TUBA3C: variants seen among roughly 807,000 people sequenced by gnomAD.
TUBA3C encodes tubulin alpha 3c, also known as tubulin alpha-3C chain.
In TUBA3C, 23 loss-of-function variants were observed where a neutral mutation model predicts 33.4. The ratio of observed to expected loss-of-function variants is 0.69; its 90% CI spans 0.50 to 0.98. The LOEUF is 0.98. Ranked by LOEUF, TUBA3C falls within the 50% of genes least tolerant of loss-of-function variation. The pLI, the probability that TUBA3C is intolerant of heterozygous loss-of-function variation, is 0.00. For missense variants in TUBA3C, 402 were observed against 616.0 expected (o/e 0.65, Z 3.68); for synonymous variants, 269 against 250.4 (o/e 1.07, Z -0.70).
intron 2 of TUBA3C, 131 bp from the exon 3 acceptor site, chr13:19,178,525 A>G: frequency 8.1e-7 from 1 of 1,236,076 alleles, no homozygotes; most frequent in Non-Finnish European, 1.1e-6. Flanking sequence ...GTAGGTCAAC[A>G]GTGGCAGTGT....
chr13:19,179,856 C>A (rs925507465), intron 1 of TUBA3C, among the ~76,000 whole-genome samples: 89 of 152,246 alleles, frequency 5.8e-4, no homozygotes, highest in African/African-American at 2.0e-3. Flanking sequence ...AGTAATCAAA[C>A]CCACATTATA....
At position 19,179,397 on chromosome 13, in the gene TUBA3C, C is replaced by G. The variant is rs1226855350; in HGVS notation, c.170G>C (p.Gly57Ala). 1 of 1,613,976 alleles carries G rather than the reference C, an allele frequency of 6.2e-7. No individual in the cohort carries two copies. The highest frequency in any genetic ancestry group is 2.2e-5 in the East Asian group (1 of 44,862). The change falls in exon 2 of 5, where the codon GGA becomes GCA. Residue 57 changes from glycine (G) to alanine (A), a missense_variant. Transcript: ENST00000400113. Reference protein sequence around the residue: ...DSFNTFFSETGAGKHVPRAVF... With the variant: ...DSFNTFFSETAAGKHVPRAVF... ...TGCTCTGGGCACGTGCTTGCCAGCT[C>G]CAGTCTCACTGAAGAACGTGTTGAA... is the stretch of plus-strand genomic sequence containing the variant.
intron 1 of TUBA3C, 45 bp downstream of exon 1, chr13:19,181,700 C>G (rs1354189871): frequency 6.2e-7 from 1 of 1,601,018 alleles, no homozygotes; most frequent in Non-Finnish European, 8.5e-7. Context: ...ACTTCGTCCA[C>G]CCTCCAGCCT....
Position 19,181,734 on chromosome 13 carries a change from C to G in TUBA3C, c.3+11G>C, listed in dbSNP as rs375826128. 8 of 1,602,212 alleles carry G rather than the reference C, an allele frequency of 5.0e-6. No individual in the cohort carries two copies. The East Asian group carries it at 6.7e-5, about 13-fold the overall frequency. The stretch of plus-strand genomic sequence containing the variant: ...CTGGGCGTCTGCGGGGTGGGAGTGA[C>G]CTGGCCTTACCATGTTGAGCTCCTC... On this transcript the variant is annotated intron_variant, in intron 1 of 4. Transcript: ENST00000400113.
chr13:19,178,211 C>G, intron 3 of TUBA3C, 35 bp downstream of exon 3: 1 of 1,612,260 alleles, frequency 6.2e-7, no homozygotes, highest in Non-Finnish European at 8.5e-7. Context: ...CCCTCCTGTG[C>G]AGGACAATGG....
intron 4 of TUBA3C, among the ~76,000 whole-genome samples, chr13:19,174,422 G>C (rs1175159244): frequency 1.4e-5 from 2 of 141,412 alleles, no homozygotes; most frequent in Non-Finnish European, 3.1e-5. Flanking sequence ...TCATGAGGCA[G>C]CATGCCCAGC....
intron 2 of TUBA3C, 48 bp downstream of exon 2, chr13:19,179,293 C>A (rs1233605938): frequency 1.2e-6 from 2 of 1,608,002 alleles, no homozygotes; most frequent in Non-Finnish European, 1.7e-6. Flanking sequence ...ACCGACGATG[C>A]TCTCCCACCC....
At position 19,176,946 on chromosome 13, in the gene TUBA3C, C is replaced by T; in HGVS notation, c.1037G>A (p.Trp346Ter). The change falls in exon 4 of 5, where the codon TGG (tryptophan) becomes TAG (stop). Residue 346 changes from tryptophan (W) to a stop codon, truncating the protein, a stop_gained. Coordinates refer to ENST00000400113, the MANE Select transcript of TUBA3C (RefSeq NM_006001.3). LOFTEE classifies it high-confidence loss of function. ...TCATACCTTAAATCCAGTTGGGCAC[C>T]AATCTACAAACTGGATGGTGCGCTT... ...KTKRTIQFVDWCPTGFKVGIN... is the reference protein window; with the variant it reads ...KTKRTIQFVD 1.9e-6 allele frequency: 3 copies of T among 1,613,720 alleles called. No individual in the cohort carries two copies. The highest frequency in any genetic ancestry group is 2.5e-6 in the Non-Finnish European group (3 of 1,179,804).
chr13:19,181,248 G>C (rs998575824), intron 1 of TUBA3C, among the ~76,000 whole-genome samples: 6 of 151,792 alleles, frequency 4.0e-5, no homozygotes, highest in African/African-American at 1.5e-4. Flanking sequence ...AAGGGATTTC[G>C]CCATATTGGC....
At position 19,177,799 on chromosome 13, in the gene TUBA3C, C is replaced by A. The variant is rs1197839628; in HGVS notation, c.376-192G>T. 1.3e-5 allele frequency among the ~76,000 whole-genome samples: 2 copies of A among 150,742 alleles called. No homozygotes were observed. Among genetic ancestry groups the A allele is most frequent in the African/African-American group, 4.9e-5 (2 of 41,000 alleles). ...GACAAATCACCATGCATACTTCAGA[C>A]TAAGACCATTGCAGACGCAATAGGA... is the stretch of plus-strand genomic sequence containing the variant. On this transcript the variant is annotated intron_variant, in intron 3 of 4. Transcript: ENST00000400113. This position sits in a 1 kb window ranked among gnomAD's most constrained non-coding sequence, Gnocchi z 5.0.
rs1593263467 is a variant in TUBA3C, at chr13:19,181,788, A to C, written c.-41T>G. 1 of 1,596,876 alleles carries C rather than the reference A, an allele frequency of 6.3e-7. No homozygotes were observed. The highest frequency in any genetic ancestry group is 8.5e-7 in the Non-Finnish European group (1 of 1,176,286). On this transcript the variant is annotated 5_prime_UTR_variant, in exon 1 of 5. Coordinates refer to ENST00000400113, the MANE Select transcript of TUBA3C (RefSeq NM_006001.3). The stretch of plus-strand genomic sequence containing the variant: ...TGCCGCAGCCCAACGCTACTACTTG[A>C]CCTCAACCGCCGCTGCAGCTGCGCA...
At chr13:19,176,729 A>AAAAAAAAAAAAC (rs1869192072) in intron 4 of TUBA3C, among the ~76,000 whole-genome samples, 198 bp downstream of exon 4, 1 of 94,572 alleles carries the variant, frequency 1.1e-5, no homozygotes, top group Non-Finnish European at 2.1e-5. Flanking sequence ...CTGCCTCAAA[A>AAAAAAAAAAAAC]AAAAAAAAAA....
At chr13:19,175,569 T>C (rs1869149970) in intron 4 of TUBA3C, among the ~76,000 whole-genome samples, 1 of 152,178 alleles carries the variant, frequency 6.6e-6, no homozygotes, top group Non-Finnish European at 1.5e-5. Context: ...GTGTCTCTTC[T>C]TCTCCTTCAG....
intron 2 of TUBA3C, among the ~76,000 whole-genome samples, chr13:19,179,056 C>G (rs1303082369): frequency 1.3e-5 from 2 of 152,206 alleles, no homozygotes; most frequent in African/African-American, 2.4e-5. Flanking sequence ...GCCCTGCAGG[C>G]AGGGCCACCT....
At chr13:19,178,804 C>A (rs191407975) in intron 2 of TUBA3C, among the ~76,000 whole-genome samples, 1 of 152,264 alleles carries the variant, frequency 6.6e-6, no homozygotes, top group East Asian at 1.9e-4. Context: ...GCAGGGCAGT[C>A]CCATCAGGGC....
rs142499533 is a variant in TUBA3C, at chr13:19,178,324, C to A, written c.297G>T (p.Ala99=). ...AATGGCCTCTGGCGTAATTATTGGC[C>A]GCATCTTCCTTCCCGGTGATCAGCT... ...PEQLITGKED[A]ANNYARGHYT... is the part of the protein sequence containing the mutation. Residue 99 remains alanine (A), a synonymous_variant, in exon 3 of 5, where the codon GCG becomes GCT. Coordinates refer to ENST00000400113, the MANE Select transcript of TUBA3C (RefSeq NM_006001.3). 2 of 1,614,034 alleles carry A rather than the reference C, an allele frequency of 1.2e-6. No homozygotes were observed. The highest frequency in any genetic ancestry group is 1.7e-6 in the Non-Finnish European group (2 of 1,180,044).
intron 1 of TUBA3C, among the ~76,000 whole-genome samples, chr13:19,180,706 A>G (rs901371320): frequency 8.6e-5 from 13 of 151,668 alleles, no homozygotes; most frequent in South Asian, 2.1e-4. Flanking sequence ...CGTGTTAGCC[A>G]GGATGGTCTC....
At position 19,174,136 on chromosome 13, in the gene TUBA3C, G is replaced by A. The variant is rs185695501; in HGVS notation, c.1080C>T (p.Pro360=). 5.0e-6 allele frequency: 8 copies of A among 1,612,864 alleles called. No individual in the cohort carries two copies. The highest frequency in any genetic ancestry group is 3.3e-5 in the South Asian group (3 of 90,988). The change falls in exon 5 of 5, where the codon CCC becomes CCT. Residue 360 remains proline (P), a synonymous_variant. Transcript: ENST00000400113. ...GFKVGINYQP[P]TVVPGGDLAK... is the part of the protein sequence containing the mutation. Reference sequence around the variant, plus strand: ...CCAGGTCTCCCCCAGGGACCACCGTGGGGGGCTGGTAGTTAATGCCCACCT... The same window carrying A: ...CCAGGTCTCCCCCAGGGACCACCGTAGGGGGCTGGTAGTTAATGCCCACCT...
intron 1 of TUBA3C, among the ~76,000 whole-genome samples, chr13:19,180,945 T>C (rs1017383153): frequency 4.8e-5 from 7 of 146,644 alleles, no homozygotes; most frequent in African/African-American, 1.8e-4. Context: ...GCAACAGAGC[T>C]GTTGTTGAGC....
Sources: gnomAD v4.1 joint callset for allele counts (sites outside exome capture counted in the v4.1 genomes callset) on GRCh38, gnomAD v4.1.1 for gene constraint, Gnocchi (gnomAD v3.1) non-coding constraint, MANE v1.5 for transcripts, NCBI Gene and HGNC (gene_info 2026-07-23, HGNC 2026-07-21) for gene names.